Variants in C3orf70 observed in about 807,000 individuals in gnomAD.
C3orf70 encodes chromosome 3 open reading frame 70.
A neutral mutation model predicts 20.7 loss-of-function variants in C3orf70; 15 were observed. The observed-to-expected ratio is 0.72, with a 90% CI of 0.48 to 1.11. The LOEUF is 1.11. C3orf70 is among the 50% of genes most tolerant of loss of function. C3orf70 has a pLI of 0.00. For missense variants in C3orf70, 332 were observed against 317.6 expected, an observed-to-expected ratio of 1.05 and a Z score of -0.34; for synonymous variants, 161 against 125.7, an observed-to-expected ratio of 1.28 and a Z score of -1.88.
intron 1 of C3orf70, among the ~76,000 whole-genome samples, chr3:185,084,576 A>G (rs1206247463): frequency 6.6e-6 from 1 of 151,906 alleles, no homozygotes; most frequent in Non-Finnish European, 1.5e-5. Flanking sequence ...CAAAGGGCAA[A>G]CACACAGAGG....
chr3:185,109,014 A>T (rs775497799), intron 1 of C3orf70, among the ~76,000 whole-genome samples: 2 of 152,210 alleles, frequency 1.3e-5, no homozygotes, highest in African/African-American at 4.8e-5. Flanking sequence ...ATTTTTCTCT[A>T]TGTGGAATAT....
intron 1 of C3orf70, among the ~76,000 whole-genome samples, chr3:185,084,916 C>A (rs763097562): frequency 3.9e-4 from 59 of 152,136 alleles, no homozygotes; most frequent in Non-Finnish European, 6.8e-4. Flanking sequence ...GCCAATTTAT[C>A]GGTTCATGTT....
At chr3:185,086,377 T>C (rs989736035) in intron 1 of C3orf70, among the ~76,000 whole-genome samples, 1 of 152,146 alleles carries the variant, frequency 6.6e-6, no homozygotes, top group African/African-American at 2.4e-5. Flanking sequence ...CCCAGTGTGA[T>C]GGTATTTGGG....
At chr3:185,109,082 G>T (rs535073758) in intron 1 of C3orf70, among the ~76,000 whole-genome samples, 2 of 152,188 alleles carry the variant, frequency 1.3e-5, no homozygotes, top group African/African-American at 4.8e-5. Context: ...TGGAAAGAAT[G>T]AATATCTCCC....
rs1359875230 is a variant in C3orf70 at position 185,081,218 on chromosome 3, TC to T, written c.*1788del. The T allele has an allele frequency of 6.6e-6, 1 of 151,976 alleles. No homozygotes were observed. The highest frequency in any genetic ancestry group is 1.5e-5 in the Non-Finnish European group (1 of 68,048). 9.4% of individuals were successfully genotyped at this position (151,976 alleles called of 1,614,324 possible). On this transcript the variant is annotated 3_prime_UTR_variant, in exon 2 of 2. Coordinates refer to ENST00000335012, the MANE Select transcript of C3orf70 (RefSeq NM_001025266.3). ...GGATCACAAGGTCAGATCGAGACCATCCTGGCTAACATGGTGAAAGCCCGTC... is the reference window on the plus strand; with the variant it reads ...GGATCACAAGGTCAGATCGAGACCATCTGGCTAACATGGTGAAAGCCCGTC...
At chr3:185,086,473 G>A (rs966328747) in intron 1 of C3orf70, among the ~76,000 whole-genome samples, 14 of 152,220 alleles carry the variant, frequency 9.2e-5, no homozygotes, top group Admixed American at 6.5e-5. Context: ...TATGAGAAGA[G>A]GAAGAGACCA....
chr3:185,129,045 AATT>A (rs1420644682), intron 1 of C3orf70, among the ~76,000 whole-genome samples: 3 of 152,176 alleles, frequency 2.0e-5, no homozygotes, highest in Non-Finnish European at 2.9e-5. Context: ...ATAAATTTTA[AATT>A]ATTATTTTTT....
intron 1 of C3orf70, among the ~76,000 whole-genome samples, chr3:185,085,865 C>T (rs1022522448): frequency 2.6e-5 from 4 of 152,168 alleles, no homozygotes; most frequent in Non-Finnish European, 5.9e-5. Flanking sequence ...CTTAGAGAAC[C>T]TGGGGAACTA....
intron 1 of C3orf70, among the ~76,000 whole-genome samples, chr3:185,089,523 T>C (rs536484731): frequency 6.6e-6 from 1 of 152,324 alleles, no homozygotes; most frequent in Admixed American, 6.5e-5. Flanking sequence ...ATTCTTCAGA[T>C]TGTTGTTAAA....
At chr3:185,131,285 C>T (rs1716517743) in intron 1 of C3orf70, among the ~76,000 whole-genome samples, 2 of 152,326 alleles carry the variant, frequency 1.3e-5, no homozygotes, top group South Asian at 4.1e-4. Context: ...GTAATTTAAC[C>T]TGTACATTAA....
chr3:185,090,441 G>A (rs1356928289), intron 1 of C3orf70, among the ~76,000 whole-genome samples: 1 of 152,122 alleles, frequency 6.6e-6, no homozygotes, highest in Non-Finnish European at 1.5e-5. Flanking sequence ...TTTTATGGTT[G>A]TTAAATGTGT....
chr3:185,084,644 C>T (rs142457885), intron 1 of C3orf70, among the ~76,000 whole-genome samples: 2 of 152,286 alleles, frequency 1.3e-5, no homozygotes, highest in African/African-American at 4.8e-5. Context: ...ATCTCCAAGC[C>T]TTCCTCTCTG....
At chr3:185,149,302 G>T (rs1338121645) in intron 1 of C3orf70, among the ~76,000 whole-genome samples, 1 of 148,654 alleles carries the variant, frequency 6.7e-6, no homozygotes, top group African/African-American at 2.5e-5. Context: ...TGAGGCAGGA[G>T]AATCACTTGA....
intron 1 of C3orf70, among the ~76,000 whole-genome samples, chr3:185,091,768 T>C (rs1715574389): frequency 6.7e-6 from 1 of 148,954 alleles, no homozygotes. Flanking sequence ...CACTGCAACC[T>C]CCGCCTCCCA....
At chr3:185,136,702 C>T (rs575826373) in intron 1 of C3orf70, among the ~76,000 whole-genome samples, 19 of 150,276 alleles carry the variant, frequency 1.3e-4, no homozygotes, top group Non-Finnish European at 2.5e-4. Flanking sequence ...CCAGCCTGGG[C>T]GACAGAGCGA....
chr3:185,108,964 C>G (rs1375682769), intron 1 of C3orf70, among the ~76,000 whole-genome samples: 4 of 152,194 alleles, frequency 2.6e-5, no homozygotes, highest in African/African-American at 9.7e-5. Context: ...TCTATTAAAA[C>G]AGACAATGCC....
intron 1 of C3orf70, among the ~76,000 whole-genome samples, chr3:185,122,048 G>A (rs1418270487): frequency 4.7e-5 from 7 of 148,706 alleles, no homozygotes; most frequent in Admixed American, 3.4e-4. Flanking sequence ...GCAGTGAACC[G>A]AGATCGTGCC....
At chr3:185,099,243 T>C (rs1278546496) in intron 1 of C3orf70, among the ~76,000 whole-genome samples, 1 of 152,086 alleles carries the variant, frequency 6.6e-6, no homozygotes, top group East Asian at 1.9e-4. Context: ...GTAAGCTACT[T>C]CACAAGAGGA....
intron 1 of C3orf70, among the ~76,000 whole-genome samples, chr3:185,108,668 C>A (rs1715997557): frequency 1.3e-5 from 2 of 152,234 alleles, no homozygotes; most frequent in Admixed American, 6.5e-5. Flanking sequence ...AACACAGATA[C>A]AGCATTACCT....
Sources: allele counts gnomAD v4.1 joint callset (sites outside exome capture counted in the v4.1 genomes callset), GRCh38; gene constraint gnomAD v4.1.1; transcripts MANE v1.5; gene names NCBI Gene and HGNC (gene_info 2026-07-23, HGNC 2026-07-21).